Variants in FSTL4 observed in about 807,000 individuals in gnomAD.
FSTL4 encodes the protein follistatin-related protein 4.
FSTL4 carries 28 observed loss-of-function variants against 78.2 expected under a neutral mutation model. That is an observed-to-expected ratio of 0.36 (90% CI 0.27 to 0.49). FSTL4 has a LOEUF of 0.49. Ranked by LOEUF, FSTL4 falls within the 20% of genes least tolerant of loss-of-function variation. FSTL4 has a pLI of 0.98. For missense variants in FSTL4, 922 were observed against 1,084.9 expected, an observed-to-expected ratio of 0.85 and a Z score of 2.11; for synonymous variants, 422 against 440.5, an observed-to-expected ratio of 0.96 and a Z score of 0.53.
At chr5:133,496,809 C>G (rs1044428569) in intron 3 of FSTL4, among the ~76,000 whole-genome samples, 41 of 152,190 alleles carry the variant, frequency 2.7e-4, no homozygotes, top group Middle Eastern at 3.2e-3. Context: ...AGTCTTTCCC[C>G]ACCAAGCCAT....
At chr5:133,778,725 G>A in the FSTL4 span, among the ~76,000 whole-genome samples, 1 of 152,204 alleles carries the variant, frequency 6.6e-6, no homozygotes, top group Non-Finnish European at 1.5e-5. Context: ...AAAGGCCTCA[G>A]AATTGGCCTC....
Position 133,459,294 on chromosome 5 carries a change from C to G in FSTL4, c.161-58308G>C, listed in dbSNP as rs150009104. 2.2e-3 allele frequency among the ~76,000 whole-genome samples: 330 copies of G among 152,072 alleles called. 2 individuals are homozygous for G. Among genetic ancestry groups the G allele is most frequent in the African/African-American group, 7.6e-3 (315 of 41,484 alleles). ...CTTTCCCTTTCCACCACCCTGGGGT[C>G]CGTGCAGGGCAGCCCTTCCTCCAAA... is the stretch of plus-strand genomic sequence containing the variant. On this transcript the variant is annotated intron_variant, in intron 3 of 15. Transcript: ENST00000265342.
rs758018953 is a variant in FSTL4, at chr5:133,316,474, G to A, written c.588C>T (p.Ser196=). 1 of 1,613,730 alleles carries A rather than the reference G, an allele frequency of 6.2e-7. No individual in the cohort carries two copies. The highest frequency in any genetic ancestry group is 2.2e-5 in the East Asian group (1 of 44,876). ...LDADGNGHLS[S]SELAQHVLKK... ...CGATGCCCACCTGAGCCAGTTCGGA[G>A]CTGCTGAGGTGGCCATTGCCATCTG... Residue 196 remains serine (S), a synonymous_variant, in exon 5 of 16, where the codon AGC becomes AGT. Transcript: ENST00000265342.
At chr5:133,635,584 A>G in the FSTL4 span, among the ~76,000 whole-genome samples, 2 of 152,228 alleles carry the variant, frequency 1.3e-5, no homozygotes, top group South Asian at 2.1e-4. Flanking sequence ...ACCAACATGG[A>G]GAAACCCCAT....
the FSTL4 span, among the ~76,000 whole-genome samples, chr5:133,694,846 G>A: frequency 8.1e-3 from 1,235 of 152,308 alleles, 14 homozygotes; most frequent in African/African-American, 0.028. Flanking sequence ...ATGGCAGAGA[G>A]CAGAGAGAGC....
chr5:133,210,469 CATTATTATTATTATTATT>C (rs72224529), intron 13 of FSTL4, among the ~76,000 whole-genome samples, 171 bp from the exon 14 acceptor site: 4 of 145,434 alleles, frequency 2.8e-5, no homozygotes, highest in African/African-American at 8.0e-5. Flanking sequence ...TTCTCAGAGG[CATTATTATTATTATTATT>C]ATTATTATTA....
intron 4 of FSTL4, among the ~76,000 whole-genome samples, chr5:133,337,331 G>A (rs1036655069): frequency 1.3e-4 from 19 of 151,434 alleles, no homozygotes; most frequent in South Asian, 4.2e-4. Flanking sequence ...GCTGTTAAGC[G>A]TCCTCTGCAA....
the FSTL4 span, among the ~76,000 whole-genome samples, chr5:133,771,418 T>C: frequency 2.0e-5 from 3 of 152,148 alleles, no homozygotes; most frequent in Non-Finnish European, 4.4e-5. Flanking sequence ...GTCCTCCTTA[T>C]AGAGATCTTT....
chr5:133,656,306 C>T, the FSTL4 span, among the ~76,000 whole-genome samples: 1 of 152,102 alleles, frequency 6.6e-6, no homozygotes, highest in African/African-American at 2.4e-5. Flanking sequence ...TCTAAGTCTC[C>T]TTCCCACCCA....
chr5:133,224,375 A>G (rs529297190), intron 10 of FSTL4, 159 bp from the exon 11 acceptor site: 2 of 559,226 alleles, frequency 3.6e-6, no homozygotes, highest in East Asian at 3.0e-5. Context: ...TAGGAACAGT[A>G]TCTTGGGGGA....
chr5:133,464,457 T>G (rs973639199), intron 3 of FSTL4, among the ~76,000 whole-genome samples: 6 of 151,936 alleles, frequency 3.9e-5, no homozygotes, highest in African/African-American at 1.5e-4. Context: ...TCAAGGGATA[T>G]CTCTCTCTCT....
the FSTL4 span, among the ~76,000 whole-genome samples, chr5:133,650,953 T>C: frequency 6.6e-6 from 1 of 152,250 alleles, no homozygotes; most frequent in African/African-American, 2.4e-5. Flanking sequence ...ATACAGATCT[T>C]ATATGTACTT....
At chr5:133,719,788 T>C in the FSTL4 span, among the ~76,000 whole-genome samples, 1 of 152,042 alleles carries the variant, frequency 6.6e-6, no homozygotes, top group Non-Finnish European at 1.5e-5. Flanking sequence ...AAAAGTAGTA[T>C]GCCAATTTTC....
intron 6 of FSTL4, among the ~76,000 whole-genome samples, chr5:133,264,498 G>A (rs931803413): frequency 2.0e-4 from 30 of 152,278 alleles, no homozygotes; most frequent in Admixed American, 1.4e-3. Flanking sequence ...CCAGGCTTGG[G>A]GGGCTCACCT....
chr5:133,257,012 C>T (rs1408642684), intron 6 of FSTL4, among the ~76,000 whole-genome samples: 1 of 152,220 alleles, frequency 6.6e-6, no homozygotes, highest in Non-Finnish European at 1.5e-5. Flanking sequence ...TGCATAAAGG[C>T]AGAGACTATA....
chr5:133,259,684 G>A (rs1752471914), intron 6 of FSTL4, among the ~76,000 whole-genome samples: 1 of 152,022 alleles, frequency 6.6e-6, no homozygotes, highest in African/African-American at 2.4e-5. Flanking sequence ...GGACTGGTGG[G>A]AGAGAGGGAA....
chr5:133,680,375 G>A, the FSTL4 span, among the ~76,000 whole-genome samples: 8 of 152,170 alleles, frequency 5.3e-5, no homozygotes, highest in African/African-American at 1.2e-4. Context: ...TGTAGCACCT[G>A]AGCCAGCTCC....
chr5:133,616,499 C>G (rs1305867184), upstream of FSTL4, among the ~76,000 whole-genome samples: 1 of 152,024 alleles, frequency 6.6e-6, no homozygotes, highest in African/African-American at 2.4e-5. Context: ...CCTCCCTGGG[C>G]TCAGGTGATC....
intron 7 of FSTL4, among the ~76,000 whole-genome samples, chr5:133,241,036 G>C (rs945389188): frequency 1.3e-5 from 2 of 152,190 alleles, no homozygotes; most frequent in Admixed American, 1.3e-4. Context: ...ATGAGCTCCA[G>C]CAAAAGCTTT....
Sources: gnomAD v4.1 joint callset for allele counts (sites outside exome capture counted in the v4.1 genomes callset) on GRCh38, gnomAD v4.1.1 for gene constraint, MANE v1.5 for transcripts, NCBI Gene and HGNC (gene_info 2026-07-23, HGNC 2026-07-21) for gene names.